TOX2: variants seen among roughly 807,000 people sequenced by gnomAD.
The protein encoded by TOX2 is granulosa cell HMG box 1.
In TOX2, 15 loss-of-function variants were observed where a neutral mutation model predicts 47.4. The ratio of observed to expected loss-of-function variants is 0.32; its 90% CI spans 0.21 to 0.49. TOX2 has a LOEUF of 0.49. Among genes scored for constraint, TOX2 ranks in the 20% least tolerant of loss-of-function variants. The pLI is 0.99. For synonymous variants in TOX2, 290 were observed against 296.6 expected (o/e 0.98, Z 0.23); for missense variants, 622 against 673.1 (o/e 0.92, Z 0.84).
chr20:44,040,664 A>C lies in TOX2; in HGVS notation c.412-10642A>C, dbSNP rs115042559. On this transcript the variant is annotated intron_variant, in intron 3 of 8. Transcript: ENST00000341197. ...GTCAGCACAGTGTCTGGCACATATT[A>C]AGTGCTTAATAAAAATCTGTCCTCC... is the stretch of plus-strand genomic sequence containing the variant. Among the ~76,000 whole-genome samples, 979 of 152,300 alleles carry C rather than the reference A, an allele frequency of 6.4e-3. 12 individuals are homozygous for C. The highest frequency in any genetic ancestry group is 0.022 in the African/African-American group (927 of 41,552).
intron 2 of TOX2, among the ~76,000 whole-genome samples, chr20:44,006,248 T>G (rs2145600119): frequency 6.6e-6 from 1 of 152,210 alleles, no homozygotes; most frequent in East Asian, 1.9e-4. Context: ...AGGTGGACTG[T>G]GATGGCCAGA....
chr20:44,065,392 A>G (rs1246461379), intron 6 of TOX2, among the ~76,000 whole-genome samples: 5 of 152,196 alleles, frequency 3.3e-5, no homozygotes, highest in Non-Finnish European at 5.9e-5. Flanking sequence ...CAAGGGAAAA[A>G]CATCTACAAA....
At chr20:43,935,174 G>A (rs1237464521) in intron 1 of TOX2, among the ~76,000 whole-genome samples, 1 of 152,122 alleles carries the variant, frequency 6.6e-6, no homozygotes, top group African/African-American at 2.4e-5. Context: ...GGACCTTGTG[G>A]GGAGGATTCG....
chr20:44,013,017 C>T (rs1294199271), intron 3 of TOX2, among the ~76,000 whole-genome samples: 1 of 152,214 alleles, frequency 6.6e-6, no homozygotes, highest in African/African-American at 2.4e-5. Context: ...AGGGGCTGAG[C>T]TGTACCTTAG....
At chr20:43,954,755 T>C (rs1314196378) in intron 1 of TOX2, among the ~76,000 whole-genome samples, 1 of 152,216 alleles carries the variant, frequency 6.6e-6, no homozygotes, top group African/African-American at 2.4e-5. Flanking sequence ...CATTAAATGC[T>C]CTGCCTGCCA....
intron 5 of TOX2, among the ~76,000 whole-genome samples, chr20:44,061,360 C>A (rs2071715353): frequency 6.6e-6 from 1 of 152,002 alleles, no homozygotes; most frequent in Non-Finnish European, 1.5e-5. Context: ...TGAAGCCAGT[C>A]AATCACCCTA....
intron 1 of TOX2, among the ~76,000 whole-genome samples, chr20:43,945,214 T>A (rs1569019942): frequency 6.6e-6 from 1 of 152,232 alleles, no homozygotes; most frequent in South Asian, 2.1e-4. Flanking sequence ...CTAGTGTAAC[T>A]GCTATTAACA....
intron 1 of TOX2, among the ~76,000 whole-genome samples, chr20:43,968,142 A>G (rs1300295030): frequency 1.3e-5 from 2 of 151,900 alleles, no homozygotes; most frequent in Admixed American, 6.6e-5. Flanking sequence ...TCAATCATCT[A>G]TCCACCCATC....
chr20:43,956,754 G>A lies in TOX2; in HGVS notation c.100-16613G>A, dbSNP rs141398733. Among the ~76,000 whole-genome samples, 109 of 152,176 alleles carry A rather than the reference G, an allele frequency of 7.2e-4. 1 individual carries two copies. The highest frequency in any genetic ancestry group is 3.7e-3 in the South Asian group (18 of 4,810). On this transcript the variant is annotated intron_variant, in intron 1 of 8. Transcript: ENST00000341197. ...AGGCTGGAACCCGTTTCCCATGTCC[G>A]CAGTGGTGTGAAATATCCCAGTTGC... is the stretch of plus-strand genomic sequence containing the variant.
At chr20:44,040,059 G>A (rs938160432) in intron 3 of TOX2, among the ~76,000 whole-genome samples, 8 of 152,162 alleles carry the variant, frequency 5.3e-5, no homozygotes, top group African/African-American at 1.9e-4. Context: ...TTGGAGTAGG[G>A]GTCTCGTGAG....
Position 44,065,986 on chromosome 20 carries a change from C to G in TOX2, c.1235C>G (p.Ala412Gly). The change falls in exon 7 of 9, where the codon GCC (alanine) becomes GGC (glycine). Residue 412 changes from alanine to glycine, a missense_variant. By Grantham distance (60) the Ala-to-Gly change is moderately conservative. Around this residue, in one of 3 missense-constraint regions of TOX2, gnomAD observed 294 missense variants for 300.0 expected, o/e 0.98. Transcript: ENST00000341197. ...LHQQLSLPPHAQGALLSPPVS... is the reference protein window; with the variant it reads ...LHQQLSLPPHGQGALLSPPVS... ...CAGCAGCTGTCACTGCCCCCTCACGCCCAGGGCGCCCTCCTCAGTCCACCT... is the reference window on the plus strand; with the variant it reads ...CAGCAGCTGTCACTGCCCCCTCACGGCCAGGGCGCCCTCCTCAGTCCACCT... 2 of 1,613,148 alleles carry G rather than the reference C, an allele frequency of 1.2e-6. No homozygotes were observed. The highest frequency in any genetic ancestry group is 2.2e-5 in the South Asian group (2 of 91,008).
intron 3 of TOX2, among the ~76,000 whole-genome samples, chr20:44,046,138 A>T (rs2071405846): frequency 6.6e-6 from 1 of 152,230 alleles, no homozygotes; most frequent in Admixed American, 6.5e-5. Flanking sequence ...TTTACACTTA[A>T]AATTATGCAG....
intron 3 of TOX2, among the ~76,000 whole-genome samples, chr20:44,050,203 A>G (rs983366521): frequency 6.6e-6 from 1 of 152,246 alleles, no homozygotes; most frequent in Non-Finnish European, 1.5e-5. Flanking sequence ...TTTGTCAATT[A>G]AAAAATAAAA....
intron 1 of TOX2, among the ~76,000 whole-genome samples, chr20:43,948,206 C>T (rs145806668): frequency 5.0e-4 from 76 of 152,302 alleles, no homozygotes; most frequent in African/African-American, 1.6e-3. Context: ...GGCCCAAACA[C>T]GGCAGGCACC....
intron 5 of TOX2, among the ~76,000 whole-genome samples, chr20:44,055,022 G>GTGCT (rs1555847244): frequency 6.6e-6 from 1 of 152,196 alleles, no homozygotes; most frequent in African/African-American, 2.4e-5. Flanking sequence ...TAAAACAGGG[G>GTGCT]TGCTGGCTAC....
intron 1 of TOX2, among the ~76,000 whole-genome samples, chr20:43,935,746 T>A (rs2069318679): frequency 6.6e-6 from 1 of 151,708 alleles, no homozygotes; most frequent in Non-Finnish European, 1.5e-5. Flanking sequence ...GACAACATGG[T>A]GAAACCCTGT....
chr20:43,940,536 TC>T (rs1471748088), intron 1 of TOX2, among the ~76,000 whole-genome samples: 1 of 151,464 alleles, frequency 6.6e-6, no homozygotes, highest in Non-Finnish European at 1.5e-5. Context: ...TTTTTTTTTT[TC>T]CCCCAGGAAA....
intron 1 of TOX2, among the ~76,000 whole-genome samples, chr20:43,951,707 G>GTTATTTTTTTTTTTTTTTTTTTTTTT (rs2069571130): frequency 1.8e-5 from 1 of 55,098 alleles, no homozygotes; most frequent in Non-Finnish European, 3.9e-5. Flanking sequence ...AACTTATTAT[G>GTTATTTTTTTTTTTTTTTTTTTTTTT]TTTTTTTTTT....
At chr20:44,013,405 A>G (rs1337384663) in intron 3 of TOX2, among the ~76,000 whole-genome samples, 1 of 152,138 alleles carries the variant, frequency 6.6e-6, no homozygotes, top group Non-Finnish European at 1.5e-5. Flanking sequence ...TCACAAGTTG[A>G]GACATAGGAA....
Sources: allele counts gnomAD v4.1 joint callset (sites outside exome capture counted in the v4.1 genomes callset), GRCh38; gene constraint gnomAD v4.1.1; regional missense constraint gnomAD v4.1.1; transcripts MANE v1.5; gene names NCBI Gene and HGNC (gene_info 2026-07-23, HGNC 2026-07-21).